EPHA3: variants seen among roughly 807,000 people sequenced by gnomAD.
EPHA3 encodes ephrin type-A receptor 3.
EPHA3 carries 42 observed loss-of-function variants against 107.1 expected under a neutral mutation model. The observed-to-expected ratio is 0.39, with a 90% CI of 0.31 to 0.51. The LOEUF (loss-of-function observed/expected upper bound fraction) is 0.51, where lower values mean the gene tolerates loss of function less well. EPHA3 is among the 20% of genes least tolerant of loss of function. The probability of loss-of-function intolerance (pLI) is 0.78; values close to 1 mark genes in which losing one functional copy is unlikely to be tolerated. For synonymous variants in EPHA3, 461 were observed against 424.8 expected, an observed-to-expected ratio of 1.09 and a Z score of -1.05; for missense variants, 1,183 against 1,211.2, an observed-to-expected ratio of 0.98 and a Z score of 0.35.
intron 7 of EPHA3, among the ~76,000 whole-genome samples, chr3:89,401,859 A>C (rs1708971141): frequency 6.6e-6 from 1 of 152,134 alleles, no homozygotes; most frequent in Non-Finnish European, 1.5e-5. Flanking sequence ...TGATCCACCC[A>C]CCTCAGCCTC....
intron 13 of EPHA3, among the ~76,000 whole-genome samples, chr3:89,434,399 G>C (rs770070368): frequency 6.6e-6 from 1 of 152,004 alleles, no homozygotes; most frequent in Admixed American, 6.6e-5. Context: ...TGTATTTTTA[G>C]TACAGACGGG....
chr3:89,348,531 G>T (rs777431537), intron 5 of EPHA3, among the ~76,000 whole-genome samples: 2 of 136,790 alleles, frequency 1.5e-5, no homozygotes, highest in Admixed American at 1.4e-4. Context: ...TCTTGCTAGC[G>T]GTCTATCAAT....
intron 2 of EPHA3, among the ~76,000 whole-genome samples, chr3:89,208,959 A>G (rs1706195307): frequency 6.6e-6 from 1 of 152,178 alleles, no homozygotes; most frequent in African/African-American, 2.4e-5. Context: ...GATAACAGAA[A>G]CAACTGGTCT....
chr3:89,116,813 A>C (rs1038694145), intron 1 of EPHA3, among the ~76,000 whole-genome samples: 1 of 151,898 alleles, frequency 6.6e-6, no homozygotes, highest in Non-Finnish European at 1.5e-5. Context: ...AACAAAGTGA[A>C]GAATTAGCAA....
chr3:89,380,994 A>G (rs557412444), intron 5 of EPHA3, among the ~76,000 whole-genome samples: 36 of 147,676 alleles, frequency 2.4e-4, no homozygotes, highest in African/African-American at 9.3e-4. Flanking sequence ...TTTTTTTGAG[A>G]CAGAGTCTCG....
At chr3:89,435,958 T>C (rs1354754870) in intron 13 of EPHA3, among the ~76,000 whole-genome samples, 2 of 149,698 alleles carry the variant, frequency 1.3e-5, no homozygotes, top group Non-Finnish European at 3.0e-5. Flanking sequence ...ATCTCAATAA[T>C]AATAATAATA....
At chr3:89,334,999 C>A (rs1707363013) in intron 3 of EPHA3, among the ~76,000 whole-genome samples, 1 of 152,138 alleles carries the variant, frequency 6.6e-6, no homozygotes, top group Non-Finnish European at 1.5e-5. Context: ...TCTTGCAACT[C>A]CAATTCTCAG....
chr3:89,311,583 GT>G (rs1706766722), intron 3 of EPHA3, among the ~76,000 whole-genome samples: 1 of 152,032 alleles, frequency 6.6e-6, no homozygotes, highest in African/African-American at 2.4e-5. Context: ...ACATGCTCAA[GT>G]TTAACATTCT....
At chr3:89,236,733 GA>G (rs911505029) in intron 3 of EPHA3, among the ~76,000 whole-genome samples, 5 of 150,556 alleles carry the variant, frequency 3.3e-5, no homozygotes, top group Non-Finnish European at 3.0e-5. Flanking sequence ...AAGTATAATT[GA>G]AAAAAAAGAG....
At chr3:89,171,744 T>C (rs1276126870) in intron 2 of EPHA3, among the ~76,000 whole-genome samples, 1 of 152,148 alleles carries the variant, frequency 6.6e-6, no homozygotes, top group African/African-American at 2.4e-5. Flanking sequence ...AAGGAGGCAG[T>C]TGAACAAAAG....
chr3:89,246,780 T>C (rs1705043377), intron 3 of EPHA3, among the ~76,000 whole-genome samples: 2 of 152,246 alleles, frequency 1.3e-5, no homozygotes, highest in African/African-American at 4.8e-5. Context: ...AGATATTCAT[T>C]GCTAACATTT....
intron 1 of EPHA3, among the ~76,000 whole-genome samples, chr3:89,115,067 A>C (rs1439613565): frequency 6.6e-6 from 1 of 152,082 alleles, no homozygotes; most frequent in African/African-American, 2.4e-5. Context: ...GATATTCTGC[A>C]AGGTTCGCTG....
chr3:89,359,572 C>T (rs1425585637), intron 5 of EPHA3, among the ~76,000 whole-genome samples: 1 of 149,756 alleles, frequency 6.7e-6, no homozygotes, highest in Non-Finnish European at 1.5e-5. Context: ...TTTTTTAGCA[C>T]TGTATGATGT....
chr3:89,377,732 G>A (rs1708428588), intron 5 of EPHA3, among the ~76,000 whole-genome samples: 1 of 152,064 alleles, frequency 6.6e-6, no homozygotes, highest in African/African-American at 2.4e-5. Flanking sequence ...ACTGTGCGAT[G>A]TGAATAATAA....
At chr3:89,388,117 G>A (rs1439296212) in intron 5 of EPHA3, among the ~76,000 whole-genome samples, 1 of 152,098 alleles carries the variant, frequency 6.6e-6, no homozygotes, top group Admixed American at 6.6e-5. Flanking sequence ...AGTTTATAGA[G>A]AGTAGTCTCT....
intron 5 of EPHA3, among the ~76,000 whole-genome samples, chr3:89,387,274 G>C (rs1277269249): frequency 6.6e-6 from 1 of 152,132 alleles, no homozygotes; most frequent in African/African-American, 2.4e-5. Flanking sequence ...TGGGTGGGAG[G>C]TAATTAAATC....
chr3:89,174,590 A>AT (rs11348161), intron 2 of EPHA3, among the ~76,000 whole-genome samples: 10 of 151,676 alleles, frequency 6.6e-5, no homozygotes, highest in African/African-American at 1.9e-4. Flanking sequence ...CAAGTTCATC[A>AT]TTTTTTTAAG....
intron 3 of EPHA3, among the ~76,000 whole-genome samples, chr3:89,306,866 T>C (rs1274070602): frequency 2.0e-5 from 3 of 152,196 alleles, no homozygotes; most frequent in Admixed American, 1.3e-4. Context: ...TCGAATTGGA[T>C]ATAATTCTTT....
chr3:89,291,108 G>T (rs1161067595), intron 3 of EPHA3, among the ~76,000 whole-genome samples: 1 of 152,048 alleles, frequency 6.6e-6, no homozygotes, highest in Non-Finnish European at 1.5e-5. Context: ...ATGAATGAAT[G>T]CAGAAAGGGA....
Sources: allele counts gnomAD v4.1 joint callset (sites outside exome capture counted in the v4.1 genomes callset), GRCh38; gene constraint gnomAD v4.1.1; transcripts MANE v1.5; gene names NCBI Gene and HGNC (gene_info 2026-07-23, HGNC 2026-07-21).